The following CCNJL variants were observed in gnomAD, a reference collection of about 807,000 sequenced individuals.
CCNJL encodes the protein cyclin-J-like protein.
CCNJL carries 33 observed loss-of-function variants against 33.4 expected under a neutral mutation model. That is an observed-to-expected ratio of 0.99 (90% CI 0.75 to 1.32). The LOEUF is 1.32. Ranked by LOEUF, CCNJL falls within the 40% of genes most tolerant of loss-of-function variation. The pLI is 0.00. For synonymous variants in CCNJL, 227 were observed against 220.9 expected (o/e 1.03, Z -0.24); for missense variants, 512 against 499.7 (o/e 1.02, Z -0.23).
chr5:160,291,382 A>G (rs1423618910), intron 2 of CCNJL, among the ~76,000 whole-genome samples: 2 of 152,178 alleles, frequency 1.3e-5, no homozygotes, highest in African/African-American at 4.8e-5. Context: ...CGCATACTAC[A>G]TTGCTCCTTA....
chr5:160,299,033 T>A (rs1581001524), intron 2 of CCNJL, among the ~76,000 whole-genome samples: 1 of 152,114 alleles, frequency 6.6e-6, no homozygotes, highest in Non-Finnish European at 1.5e-5. Context: ...GGCTACAGTG[T>A]AGTGGCATAA....
At chr5:160,262,116 A>G (rs1008822272) in intron 3 of CCNJL, among the ~76,000 whole-genome samples, 1 of 152,148 alleles carries the variant, frequency 6.6e-6, no homozygotes, top group Non-Finnish European at 1.5e-5. Context: ...TCTTGTGCTG[A>G]GCCAGCCTTG....
At chr5:160,311,297 T>C (rs1363830468) in intron 2 of CCNJL, among the ~76,000 whole-genome samples, 1 of 152,196 alleles carries the variant, frequency 6.6e-6, no homozygotes, top group Non-Finnish European at 1.5e-5. Flanking sequence ...AGGTGTTCCT[T>C]AAATTTCATT....
At chr5:160,265,151 C>T (rs1022678827) in intron 3 of CCNJL, among the ~76,000 whole-genome samples, 22 of 152,310 alleles carry the variant, frequency 1.4e-4, no homozygotes, top group African/African-American at 4.8e-4. Flanking sequence ...CTAGACAGAC[C>T]GTGTTCTGCA....
At chr5:160,305,104 G>C (rs1170827837) in intron 2 of CCNJL, among the ~76,000 whole-genome samples, 1 of 152,060 alleles carries the variant, frequency 6.6e-6, no homozygotes, top group African/African-American at 2.4e-5. Flanking sequence ...ATGAGCCACC[G>C]CGCCTGGCCA....
intron 3 of CCNJL, among the ~76,000 whole-genome samples, chr5:160,270,598 C>T (rs6859343): frequency 0.14 from 21,535 of 152,084 alleles, 2,462 homozygotes; most frequent in African/African-American, 0.31. Context: ...TAAAAATAAA[C>T]AAACACTCAA....
chr5:160,289,660 G>C (rs906616057), intron 2 of CCNJL, among the ~76,000 whole-genome samples: 1 of 152,030 alleles, frequency 6.6e-6, no homozygotes, highest in African/African-American at 2.4e-5. Context: ...AAGTGCCCCG[G>C]AAAAGGCCAA....
intron 3 of CCNJL, among the ~76,000 whole-genome samples, chr5:160,271,738 T>C (rs1448500477): frequency 6.6e-6 from 1 of 152,246 alleles, no homozygotes; most frequent in Non-Finnish European, 1.5e-5. Context: ...TGGCAGTGTT[T>C]TGGAAGAAAG....
At chr5:160,296,370 C>T (rs910778288) in intron 2 of CCNJL, among the ~76,000 whole-genome samples, 21 of 152,218 alleles carry the variant, frequency 1.4e-4, no homozygotes, top group African/African-American at 5.1e-4. Context: ...AAAGGCTGAA[C>T]AAGCTCAGCT....
chr5:160,267,894 T>G (rs1761673821), intron 3 of CCNJL, among the ~76,000 whole-genome samples: 3 of 152,188 alleles, frequency 2.0e-5, no homozygotes, highest in South Asian at 4.1e-4. Context: ...CAATCTCTCC[T>G]TTGCTTACGC....
At chr5:160,313,079 C>G (rs1252177486), upstream of CCNJL, among the ~76,000 whole-genome samples, 1 of 152,140 alleles carries the variant, frequency 6.6e-6, no homozygotes, top group African/African-American at 2.4e-5. Flanking sequence ...GTCCCTAATT[C>G]TAAAGGAGCC....
intron 1 of CCNJL, among the ~76,000 whole-genome samples, chr5:160,321,397 C>T (rs1378466312): frequency 6.6e-6 from 1 of 152,176 alleles, no homozygotes; most frequent in Non-Finnish European, 1.5e-5. Context: ...CCTAGAAGTT[C>T]CTCACTGCCA....
intron 3 of CCNJL, chr5:160,269,617 G>A (rs773932884): frequency 3.1e-5 from 12 of 387,348 alleles, no homozygotes; most frequent in Non-Finnish European, 5.7e-5. Context: ...GAGGGGAGAT[G>A]CTTCCAGATA....
intron 2 of CCNJL, among the ~76,000 whole-genome samples, chr5:160,307,720 C>A (rs1581010484): frequency 1.3e-5 from 2 of 152,064 alleles, no homozygotes; most frequent in Admixed American, 1.3e-4. Flanking sequence ...TACTGGCTGG[C>A]ACTCCCACCC....
Position 160,253,256 on chromosome 5 carries a change from C to T in CCNJL, c.*122G>A, listed in dbSNP as rs1388811333. 3.3e-6 allele frequency: 3 copies of T among 905,546 alleles called. No individual in the cohort carries two copies. The highest frequency in any genetic ancestry group is 5.2e-5 in the East Asian group (2 of 38,322). 56.1% of individuals were successfully genotyped at this position (905,546 alleles called of 1,614,324 possible). The stretch of plus-strand genomic sequence containing the variant: ...GTTTTATTTAAAAGGAGCACAGACC[C>T]TCCACGTTCCAAGGCTCTTCAGGGA... On this transcript the variant is annotated 3_prime_UTR_variant, in exon 6 of 6. Transcript: ENST00000257536.
chr5:160,321,113 T>C (rs1763457582), intron 1 of CCNJL, among the ~76,000 whole-genome samples: 1 of 149,380 alleles, frequency 6.7e-6, no homozygotes, highest in African/African-American at 2.5e-5. Context: ...TCTCTCTCTC[T>C]TTTTTTTCCA....
intron 2 of CCNJL, among the ~76,000 whole-genome samples, chr5:160,296,782 C>A (rs1046731394): frequency 1.3e-5 from 2 of 152,200 alleles, no homozygotes; most frequent in Non-Finnish European, 2.9e-5. Flanking sequence ...GAACTTCACA[C>A]CTGTCTCTGC....
At chr5:160,339,373 A>AAAAAAAAAAAAAC (rs1561817491) in intron 1 of CCNJL, 2 of 304,994 alleles carry the variant, frequency 6.6e-6, no homozygotes, top group Non-Finnish European at 1.3e-5. Flanking sequence ...AAAAAAAAAC[A>AAAAAAAAAAAAAC]AAAAAAAACG....
At chr5:160,268,134 G>C (rs1761684350) in intron 3 of CCNJL, among the ~76,000 whole-genome samples, 1 of 152,208 alleles carries the variant, frequency 6.6e-6, no homozygotes, top group Admixed American at 6.5e-5. Context: ...GGCAAAAAAA[G>C]GCACTGCTCA....
Sources: allele counts gnomAD v4.1 joint callset (sites outside exome capture counted in the v4.1 genomes callset), GRCh38; gene constraint gnomAD v4.1.1; transcripts MANE v1.5; gene names NCBI Gene and HGNC (gene_info 2026-07-23, HGNC 2026-07-21).